The following MGAT4C variants were observed in gnomAD, a reference collection of about 807,000 sequenced individuals.
MGAT4C encodes alpha-1,3-mannosyl-glycoprotein 4-beta-N-acetylglucosaminyltransferase C.
A neutral mutation model predicts 40.1 loss-of-function variants in MGAT4C; 19 were observed. The observed-to-expected ratio is 0.47, with a 90% CI of 0.33 to 0.70. The LOEUF (loss-of-function observed/expected upper bound fraction) is 0.70, where lower values mean the gene tolerates loss of function less well. Among genes scored for constraint, MGAT4C ranks in the 30% least tolerant of loss-of-function variants. MGAT4C has a pLI of 0.02. For synonymous variants in MGAT4C, 181 were observed against 187.1 expected (o/e 0.97, Z 0.27); for missense variants, 491 against 563.2 (o/e 0.87, Z 1.30).
chr12:86,287,880 G>A (rs538303415), intron 4 of MGAT4C, among the ~76,000 whole-genome samples: 22 of 152,284 alleles, frequency 1.4e-4, no homozygotes, highest in Admixed American at 5.2e-4. Context: ...TGGGATTGCT[G>A]AGTCAAATGG....
At chr12:86,831,506 A>T (rs758167426) in intron 1 of MGAT4C, among the ~76,000 whole-genome samples, 1 of 151,906 alleles carries the variant, frequency 6.6e-6, no homozygotes, top group Non-Finnish European at 1.5e-5. Flanking sequence ...CAATGTGTAT[A>T]TAAACACTCT....
intron 1 of MGAT4C, among the ~76,000 whole-genome samples, chr12:86,761,547 T>A (rs994858049): frequency 6.6e-6 from 1 of 152,216 alleles, no homozygotes; most frequent in Non-Finnish European, 1.5e-5. Flanking sequence ...TCTATCCTCT[T>A]ATATTTCTGG....
At chr12:86,123,980 A>G (rs1879852141) in intron 1 of MGAT4C, among the ~76,000 whole-genome samples, 1 of 152,098 alleles carries the variant, frequency 6.6e-6, no homozygotes, top group African/African-American at 2.4e-5. Context: ...ATTTTTAATC[A>G]TTCCCCAAAT....
intron 1 of MGAT4C, among the ~76,000 whole-genome samples, chr12:86,172,205 C>T (rs1333151145): frequency 6.6e-6 from 1 of 152,062 alleles, no homozygotes; most frequent in Non-Finnish European, 1.5e-5. Context: ...TTATCATGGA[C>T]ATAATAATTA....
intron 1 of MGAT4C, among the ~76,000 whole-genome samples, chr12:86,762,120 T>A (rs545837185): frequency 6.6e-6 from 1 of 151,892 alleles, no homozygotes; most frequent in African/African-American, 2.4e-5. Context: ...GGCATGATCA[T>A]GGCTCACTGC....
intron 3 of MGAT4C, among the ~76,000 whole-genome samples, chr12:86,415,671 G>A (rs1956695053): frequency 6.6e-6 from 1 of 151,902 alleles, no homozygotes; most frequent in African/African-American, 2.4e-5. Flanking sequence ...ATTGTGGAGA[G>A]GATCAATGAA....
At chr12:86,509,926 T>C (rs541083860) in intron 2 of MGAT4C, among the ~76,000 whole-genome samples, 12 of 152,314 alleles carry the variant, frequency 7.9e-5, no homozygotes, top group Admixed American at 7.2e-4. Flanking sequence ...CCTGAGACTT[T>C]GCTGAAGTTG....
chr12:86,123,405 T>C (rs1879758963), intron 1 of MGAT4C, among the ~76,000 whole-genome samples: 1 of 152,218 alleles, frequency 6.6e-6, no homozygotes, highest in Non-Finnish European at 1.5e-5. Context: ...ATATTATCCT[T>C]AGTTTTTGGG....
At chr12:86,715,054 T>G (rs893359219) in intron 2 of MGAT4C, among the ~76,000 whole-genome samples, 1 of 152,138 alleles carries the variant, frequency 6.6e-6, no homozygotes, top group African/African-American at 2.4e-5. Flanking sequence ...TATCTCGTTA[T>G]GTTTAATTCA....
Position 86,213,388 on chromosome 12 carries a change from T to C in MGAT4C, c.-57+42851A>G, listed in dbSNP as rs1455350952. On this transcript the variant is annotated intron_variant, in intron 1 of 4. Coordinates refer to ENST00000611864, the MANE Select transcript of MGAT4C (RefSeq NM_001351288.2). ...ATCGGTTCACAGATACAGAGCAAAA[T>C]GATTGCACAGGGACAAAGTCATGGT... 2.6e-5 allele frequency among the ~76,000 whole-genome samples: 4 copies of C among 152,318 alleles called. No individual in the cohort carries two copies. The South Asian group carries it at 8.3e-4, about 32-fold the overall frequency.
chr12:86,295,233 G>C (rs1335951816), intron 4 of MGAT4C, among the ~76,000 whole-genome samples: 1 of 152,110 alleles, frequency 6.6e-6, no homozygotes, highest in Non-Finnish European at 1.5e-5. Context: ...TCTAGCCTTA[G>C]TATTCTCTTA....
intron 2 of MGAT4C, among the ~76,000 whole-genome samples, chr12:86,527,819 C>A (rs376631239): frequency 6.6e-6 from 1 of 152,038 alleles, no homozygotes; most frequent in Admixed American, 6.6e-5. Flanking sequence ...TATTTATAAA[C>A]GCTACTGATA....
chr12:86,275,764 T>C (rs1953061662), intron 4 of MGAT4C, among the ~76,000 whole-genome samples: 1 of 151,958 alleles, frequency 6.6e-6, no homozygotes, highest in South Asian at 2.1e-4. Context: ...AGAAGGAACA[T>C]AGCAGTGCTG....
At chr12:86,291,022 A>G (rs1199785610) in intron 4 of MGAT4C, among the ~76,000 whole-genome samples, 1 of 152,194 alleles carries the variant, frequency 6.6e-6, no homozygotes, top group African/African-American at 2.4e-5. Context: ...TCAGCTGAAC[A>G]GTGTATCATA....
chr12:86,334,828 C>T (rs1458086474), intron 3 of MGAT4C, among the ~76,000 whole-genome samples: 5 of 152,060 alleles, frequency 3.3e-5, no homozygotes, highest in Non-Finnish European at 7.4e-5. Context: ...CAATGTACTT[C>T]AAAGTCATCA....
chr12:86,584,349 CATTAAA>C lies in MGAT4C; in HGVS notation c.-229+142854_-229+142859del, dbSNP rs928278906. ...AATGGGATTTGGTCATATTATCAAA[CATTAAA>C]ATTATGTCCTCATTGATGCCACAGT... is the stretch of plus-strand genomic sequence containing the variant. On this transcript the variant is annotated intron_variant, in intron 2 of 7. Coordinates refer to the MGAT4C transcript ENST00000548651. Among the ~76,000 whole-genome samples the C allele has an allele frequency of 1.4e-3, 204 of 150,926 alleles. 1 individual carries two copies. Among genetic ancestry groups the C allele is most frequent in the Middle Eastern group, 3.4e-3 (1 of 292 alleles).
rs532634629 is a variant in MGAT4C at position 85,971,644 on chromosome 12, C to A, written c.*7645G>T. 6.6e-6 allele frequency: 1 copy of A among 151,136 alleles called. No individual in the cohort carries two copies. Among genetic ancestry groups the A allele is most frequent in the Admixed American group, 6.6e-5 (1 of 15,146 alleles). 9.4% of individuals were successfully genotyped at this position (151,136 alleles called of 1,614,324 possible). A position where few individuals can be genotyped will look rare whatever the true frequency, so the allele number is the denominator to read the frequency against. On this transcript the variant is annotated 3_prime_UTR_variant, in exon 5 of 5. Coordinates refer to ENST00000611864, the MANE Select transcript of MGAT4C (RefSeq NM_001351288.2). ...TTCTAGTAAGTAAAAACACTAGATA[C>A]GTACCAAAATTGTCTTTTGACCCTC...
chr12:86,532,854 G>A (rs1406812128), intron 2 of MGAT4C, among the ~76,000 whole-genome samples: 1 of 151,876 alleles, frequency 6.6e-6, no homozygotes, highest in Non-Finnish European at 1.5e-5. Flanking sequence ...TAGAGATTTG[G>A]ATAGAGTTAG....
chr12:86,676,488 A>G (rs1346371600), intron 2 of MGAT4C, among the ~76,000 whole-genome samples: 1 of 152,182 alleles, frequency 6.6e-6, no homozygotes, highest in Non-Finnish European at 1.5e-5. Flanking sequence ...CTCAGGATAG[A>G]AACATTAGAA....
Sources: gnomAD v4.1 joint callset for allele counts (sites outside exome capture counted in the v4.1 genomes callset) on GRCh38, gnomAD v4.1.1 for gene constraint, MANE v1.5 for transcripts, NCBI Gene and HGNC (gene_info 2026-07-23, HGNC 2026-07-21) for gene names.